The following INPP4B variants were observed in gnomAD, a reference collection of about 807,000 sequenced individuals.
INPP4B encodes inositol polyphosphate 4-phosphatase type II.
INPP4B carries 55 observed loss-of-function variants against 122.5 expected under a neutral mutation model. That is an observed-to-expected ratio of 0.45 (90% CI 0.36 to 0.56). The LOEUF (loss-of-function observed/expected upper bound fraction) is 0.56, where lower values mean the gene tolerates loss of function less well. INPP4B is among the 20% of genes least tolerant of loss of function. The pLI, the probability that INPP4B is intolerant of heterozygous loss-of-function variation, is 0.00. For synonymous variants in INPP4B, 403 were observed against 388.7 expected (o/e 1.04, Z -0.43); for missense variants, 1,000 against 1,097.7 (o/e 0.91, Z 1.26).
chr4:142,391,839 T>C (rs1267381317), intron 7 of INPP4B, among the ~76,000 whole-genome samples: 1 of 152,316 alleles, frequency 6.6e-6, no homozygotes, highest in South Asian at 2.1e-4. Flanking sequence ...TCAGGTACAT[T>C]TGGTTGCCTG....
chr4:142,440,377 C>T (rs772730851), intron 3 of INPP4B, among the ~76,000 whole-genome samples: 29 of 152,220 alleles, frequency 1.9e-4, no homozygotes, highest in Non-Finnish European at 3.7e-4. Context: ...AAGTGAACTA[C>T]GTGAAGGGGA....
chr4:142,630,676 G>T (rs551961288), intron 2 of INPP4B, among the ~76,000 whole-genome samples: 107 of 152,214 alleles, frequency 7.0e-4, no homozygotes, highest in Admixed American at 1.6e-3. Context: ...AGAAGAGGAA[G>T]ATAAGCCTGA....
At chr4:142,832,297 A>G (rs7661683) in intron 1 of INPP4B, among the ~76,000 whole-genome samples, 15,255 of 152,140 alleles carry the variant, frequency 0.1, 2,522 homozygotes, top group African/African-American at 0.34. Context: ...TGTGTTTTAG[A>G]CCATGAAAAA....
chr4:142,654,031 T>C (rs934607493), intron 2 of INPP4B, among the ~76,000 whole-genome samples: 3 of 152,188 alleles, frequency 2.0e-5, no homozygotes, highest in Non-Finnish European at 2.9e-5. Flanking sequence ...CATGGAATAC[T>C]ATGCAGCCAT....
At chr4:142,188,113 C>A (rs1277587676) in intron 15 of INPP4B, among the ~76,000 whole-genome samples, 2 of 151,966 alleles carry the variant, frequency 1.3e-5, no homozygotes, top group East Asian at 3.9e-4. Flanking sequence ...AAGCATATTT[C>A]TTTACAAAAC....
At chr4:142,444,383 A>G (rs191018941) in intron 3 of INPP4B, among the ~76,000 whole-genome samples, 8 of 152,284 alleles carry the variant, frequency 5.3e-5, no homozygotes, top group African/African-American at 1.7e-4. Context: ...TAAGACATTT[A>G]TGTGGCCAAC....
chr4:142,182,608 GATT>G (rs753422810), intron 15 of INPP4B, among the ~76,000 whole-genome samples: 6 of 148,568 alleles, frequency 4.0e-5, no homozygotes, highest in Non-Finnish European at 8.9e-5. Flanking sequence ...GACTCAACAT[GATT>G]ATTTTCTTAT....
intron 7 of INPP4B, among the ~76,000 whole-genome samples, chr4:142,396,496 A>G (rs550288432): frequency 2.2e-4 from 33 of 152,300 alleles, no homozygotes; most frequent in Middle Eastern, 6.8e-3. Context: ...AACTCAAATT[A>G]CTAGGAGTAG....
chr4:142,305,509 T>G lies in INPP4B; in HGVS notation c.452A>C (p.Lys151Thr). 1 of 1,612,978 alleles carries G rather than the reference T, an allele frequency of 6.2e-7. No individual in the cohort carries two copies. The highest frequency in any genetic ancestry group is 8.5e-7 in the Non-Finnish European group (1 of 1,179,338). Residue 151 changes from lysine to threonine, a missense_variant, in exon 9 of 26, where the codon AAA (lysine) becomes ACA (threonine). Physicochemically the swap from Lys to Thr is moderately conservative, Grantham distance 78. Transcript: ENST00000262992. ...CTTTGACTTCAGCAGCTCTCCCACT[T>G]TAAAACTGGCATAGCCCAAGAAACT... The part of the protein sequence containing the change: ...GRSFLGYASF[K>T]VGELLKSKEQ...
chr4:142,763,613 T>C (rs1404083021), intron 1 of INPP4B, among the ~76,000 whole-genome samples: 1 of 152,122 alleles, frequency 6.6e-6, no homozygotes, highest in East Asian at 1.9e-4. Context: ...AAGCCATAAA[T>C]ATATTCAAAT....
intron 22 of INPP4B, 119 bp from the exon 23 acceptor site, chr4:142,108,309 A>G (rs2152686728): frequency 1.5e-6 from 1 of 662,082 alleles, no homozygotes; most frequent in Non-Finnish European, 2.7e-6. Context: ...AGTCTGTCTC[A>G]TTTTTCAAGC....
intron 14 of INPP4B, among the ~76,000 whole-genome samples, chr4:142,200,785 T>C (rs983273672): frequency 1.3e-5 from 2 of 152,000 alleles, no homozygotes; most frequent in Non-Finnish European, 1.5e-5. Context: ...AGTCCCCAAA[T>C]ATTCTTCAGT....
intron 7 of INPP4B, among the ~76,000 whole-genome samples, chr4:142,336,214 C>T (rs1454167283): frequency 2.6e-5 from 4 of 152,218 alleles, no homozygotes; most frequent in Non-Finnish European, 5.9e-5. Context: ...TACCTCATTC[C>T]TCTTGGATAT....
intron 2 of INPP4B, among the ~76,000 whole-genome samples, chr4:142,624,873 A>G (rs2150390884): frequency 6.6e-6 from 1 of 152,284 alleles, no homozygotes; most frequent in African/African-American, 2.4e-5. Flanking sequence ...AGAATCAAAG[A>G]CAAAAACCAC....
At chr4:142,306,684 C>T (rs909119212) in intron 8 of INPP4B, among the ~76,000 whole-genome samples, 2 of 152,098 alleles carry the variant, frequency 1.3e-5, no homozygotes, top group Non-Finnish European at 2.9e-5. Context: ...ATGAGCTGGT[C>T]CTAAAAGGCT....
At chr4:142,197,759 C>G (rs547684383) in intron 14 of INPP4B, among the ~76,000 whole-genome samples, 12 of 152,226 alleles carry the variant, frequency 7.9e-5, no homozygotes, top group African/African-American at 2.9e-4. Flanking sequence ...TTTTCAGGAT[C>G]TCATTTAATT....
At chr4:142,572,929 C>T (rs1054165206) in intron 2 of INPP4B, among the ~76,000 whole-genome samples, 5 of 151,228 alleles carry the variant, frequency 3.3e-5, no homozygotes, top group African/African-American at 7.3e-5. Context: ...AAATATATAT[C>T]CTTCTCTCCC....
intron 1 of INPP4B, among the ~76,000 whole-genome samples, chr4:142,845,296 A>G (rs1488180355): frequency 3.3e-5 from 5 of 152,152 alleles, no homozygotes; most frequent in African/African-American, 1.2e-4. Context: ...GGGGAGGGGG[A>G]AAAACAGGTA....
At chr4:142,542,372 A>G (rs970755355) in intron 2 of INPP4B, among the ~76,000 whole-genome samples, 4 of 152,224 alleles carry the variant, frequency 2.6e-5, no homozygotes, top group African/African-American at 9.6e-5. Flanking sequence ...TTGATACAAT[A>G]ATCAAAAACA....
Sources: gnomAD v4.1 joint callset for allele counts (sites outside exome capture counted in the v4.1 genomes callset) on GRCh38, gnomAD v4.1.1 for gene constraint, MANE v1.5 for transcripts, NCBI Gene and HGNC (gene_info 2026-07-23, HGNC 2026-07-21) for gene names.